Variants in MAML2 observed in about 807,000 individuals in gnomAD.
MAML2 encodes mastermind like transcriptional coactivator 2.
MAML2 carries 22 observed loss-of-function variants against 96.1 expected under a neutral mutation model. That is an observed-to-expected ratio of 0.23 (90% confidence interval 0.16 to 0.33). The LOEUF is 0.33. MAML2 is among the 10% of genes least tolerant of loss of function. MAML2 has a pLI of 1.00. For missense variants in MAML2, 1,367 were observed against 1,392.4 expected, an observed-to-expected ratio of 0.98 and a Z score of 0.29; for synonymous variants, 561 against 521.3, an observed-to-expected ratio of 1.08 and a Z score of -1.04.
Position 96,342,504 on chromosome 11 carries a change from G to A in MAML2, c.-609C>T. 2.5e-6 allele frequency: 1 copy of A among 398,440 alleles called. No individual in the cohort carries two copies. Among genetic ancestry groups the A allele is most frequent in the Non-Finnish European group, 4.4e-6 (1 of 226,008 alleles). The allele number at this position is 398,440 out of a possible 1,614,324, so 24.7% of individuals were successfully genotyped here. On this transcript the variant is annotated 5_prime_UTR_variant, in exon 1 of 5. Coordinates refer to ENST00000524717, the MANE Select transcript of MAML2 (RefSeq NM_032427.4). ...TGTTTCAGAAGATGTTTAAGTCACT[G>A]TTCAAAATGTGCAAAAATCAAGGGA... is the stretch of plus-strand genomic sequence containing the variant.
intron 4 of MAML2, among the ~76,000 whole-genome samples, chr11:95,982,177 T>C (rs1340083720): frequency 6.6e-6 from 1 of 152,214 alleles, no homozygotes; most frequent in Non-Finnish European, 1.5e-5. Flanking sequence ...TCTAGAATAA[T>C]GATTCTGACC....
At position 95,991,610 on chromosome 11, in the gene MAML2, C is replaced by T. The variant is rs772690950; in HGVS notation, c.2253G>A (p.Gln751=). The change falls in exon 3 of 5, where the codon CAG becomes CAA. Residue 751 remains glutamine, a synonymous_variant. Transcript: ENST00000524717. Reference sequence around the variant, plus strand: ...GAGTCTGCTTCTTTCCCATCAATTGCTGATTCAACAGTGATTGCTGGGAGT... The same window carrying T: ...GAGTCTGCTTCTTTCCCATCAATTGTTGATTCAACAGTGATTGCTGGGAGT... ...YMNSQQSLLN[Q]QLMGKKQTLQ... is the part of the protein sequence containing the mutation. 1.2e-6 allele frequency: 2 copies of T among 1,613,774 alleles called. No homozygotes were observed. The highest frequency in any genetic ancestry group is 2.2e-5 in the South Asian group (2 of 91,084).
Position 96,092,616 on chromosome 11 carries a change from G to A in MAML2, c.1415C>T (p.Pro472Leu). ...SALPSSAGPSPGPFGQEKIPS... is the reference protein window; with the variant it reads ...SALPSSAGPSLGPFGQEKIPS... ...GATTTTCTCCTGCCCAAATGGACCT[G>A]GTGATGGTCCAGCAGAAGAGGGCAA... is the stretch of plus-strand genomic sequence containing the variant. Residue 472 changes from proline (P) to leucine (L), a missense_variant, in exon 2 of 5, where the codon CCA becomes CTA. By Grantham distance (98) the Pro-to-Leu change is moderately conservative (BLOSUM62 -3). Coordinates refer to ENST00000524717, the MANE Select transcript of MAML2 (RefSeq NM_032427.4). This position sits in a 1 kb window ranked among gnomAD's most constrained non-coding sequence, Gnocchi z 4.1. The A allele has an allele frequency of 6.2e-7, 1 of 1,613,358 alleles. No individual in the cohort carries two copies. Among genetic ancestry groups the A allele is most frequent in the Non-Finnish European group, 8.5e-7 (1 of 1,179,462 alleles).
intron 1 of MAML2, among the ~76,000 whole-genome samples, chr11:96,172,313 T>G (rs1323795362): frequency 1.3e-5 from 2 of 152,214 alleles, no homozygotes; most frequent in African/African-American, 4.8e-5. Flanking sequence ...GGATACTAAA[T>G]CTTAATGCAT....
chr11:96,273,821 A>G (rs554589125), intron 1 of MAML2, among the ~76,000 whole-genome samples: 1 of 152,352 alleles, frequency 6.6e-6, no homozygotes, highest in East Asian at 1.9e-4. Flanking sequence ...AATTTGTGAT[A>G]TAAGGCAAGA....
intron 1 of MAML2, among the ~76,000 whole-genome samples, chr11:96,320,100 A>G (rs1402750823): frequency 6.6e-6 from 1 of 152,172 alleles, no homozygotes; most frequent in Admixed American, 6.5e-5. Context: ...ACTAGACACA[A>G]CTCCAAAGAT....
intron 2 of MAML2, among the ~76,000 whole-genome samples, chr11:96,078,255 A>C (rs1859475091): frequency 6.6e-6 from 1 of 152,214 alleles, no homozygotes; most frequent in Non-Finnish European, 1.5e-5. Flanking sequence ...CACTGAACAC[A>C]TCTCTTCTTT....
intron 2 of MAML2, among the ~76,000 whole-genome samples, chr11:96,039,340 G>C (rs1165992975): frequency 2.8e-4 from 39 of 138,000 alleles, no homozygotes; most frequent in African/African-American, 9.9e-4. Context: ...GGGGAGGGGA[G>C]AGGAGAGAGG....
chr11:96,202,056 G>A (rs1228318493), intron 1 of MAML2, among the ~76,000 whole-genome samples: 1 of 150,706 alleles, frequency 6.6e-6, no homozygotes, highest in Non-Finnish European at 1.5e-5. Context: ...TGTTTCGGCC[G>A]GGCATGGTGG....
chr11:96,158,348 C>A (rs1176216764), intron 1 of MAML2, among the ~76,000 whole-genome samples: 1 of 152,196 alleles, frequency 6.6e-6, no homozygotes, highest in East Asian at 1.9e-4. Flanking sequence ...CAGGCCCACA[C>A]ATAGAGATAG....
At chr11:96,166,177 T>TCTCTCTCTCTCTCTCTCTCTCA (rs530578845) in intron 1 of MAML2, among the ~76,000 whole-genome samples, 1 of 110,330 alleles carries the variant, frequency 9.1e-6, no homozygotes, top group Admixed American at 9.5e-5. Flanking sequence ...TCTCTCTCTC[T>TCTCTCTCTCTCTCTCTCTCTCA]CACACACACA....
intron 2 of MAML2, among the ~76,000 whole-genome samples, chr11:96,080,294 G>T (rs189659503): frequency 6.6e-6 from 1 of 152,222 alleles, no homozygotes; most frequent in East Asian, 1.9e-4. Flanking sequence ...GGCACATAAT[G>T]GTAAATACCA....
intron 1 of MAML2, among the ~76,000 whole-genome samples, chr11:96,166,175 T>TCACACACA (rs1283060567): frequency 1.4e-4 from 14 of 101,900 alleles, no homozygotes; most frequent in Admixed American, 3.6e-4. Context: ...TCTCTCTCTC[T>TCACACACA]CTCACACACA....
rs1857660020 is a variant in MAML2 at position 95,976,955 on chromosome 11, T to C, written c.*1993A>G. ...CAATGTGCACAGCAGAAGAATCAAA[T>C]AAGACACAAGAACTATGGGTTTAAA... On this transcript the variant is annotated 3_prime_UTR_variant, in exon 5 of 5. Coordinates refer to ENST00000524717, the MANE Select transcript of MAML2 (RefSeq NM_032427.4). The C allele has an allele frequency of 5.1e-6, 1 of 197,430 alleles. No homozygotes were observed. Among genetic ancestry groups the C allele is most frequent in the East Asian group, 7.9e-5 (1 of 12,696 alleles). The allele number at this position is 197,430 out of a possible 1,614,324, so 12.2% of individuals were successfully genotyped here. A position where few individuals can be genotyped will look rare whatever the true frequency, so the allele number is the denominator to read the frequency against.
intron 1 of MAML2, among the ~76,000 whole-genome samples, chr11:96,181,620 C>T (rs1205130539): frequency 1.3e-5 from 2 of 152,046 alleles, no homozygotes; most frequent in Admixed American, 6.6e-5. Flanking sequence ...CAGCTTTTGG[C>T]CAAGTGTCAA....
intron 1 of MAML2, among the ~76,000 whole-genome samples, chr11:96,319,703 T>A (rs998616193): frequency 6.6e-6 from 1 of 152,082 alleles, no homozygotes; most frequent in Non-Finnish European, 1.5e-5. Flanking sequence ...GGAGTATACA[T>A]CTCCCCCAAA....
At chr11:96,264,631 C>T (rs1193650006) in intron 1 of MAML2, among the ~76,000 whole-genome samples, 4 of 152,134 alleles carry the variant, frequency 2.6e-5, no homozygotes, top group African/African-American at 7.2e-5. Flanking sequence ...GTCTCCTCAT[C>T]CACTCTACCG....
At chr11:96,292,235 T>C (rs988126377) in intron 1 of MAML2, among the ~76,000 whole-genome samples, 2 of 152,138 alleles carry the variant, frequency 1.3e-5, no homozygotes, top group Non-Finnish European at 1.5e-5. Flanking sequence ...AGTAAAAAAT[T>C]GGCTTTATCA....
intron 2 of MAML2, among the ~76,000 whole-genome samples, chr11:96,065,818 G>C (rs754545549): frequency 4.9e-4 from 74 of 152,152 alleles, no homozygotes; most frequent in African/African-American, 1.7e-3. Flanking sequence ...CAAAGCTGAG[G>C]CTGTCAGTTG....
Sources: gnomAD v4.1 joint callset for allele counts (sites outside exome capture counted in the v4.1 genomes callset) on GRCh38, gnomAD v4.1.1 for gene constraint, Gnocchi (gnomAD v3.1) non-coding constraint, MANE v1.5 for transcripts, NCBI Gene and HGNC (gene_info 2026-07-23, HGNC 2026-07-21) for gene names.